The following MARS1 variants were observed in gnomAD, a reference collection of about 807,000 sequenced individuals.
MARS1 encodes the protein methionine--tRNA ligase, cytoplasmic.
Under a neutral mutation model 119.5 loss-of-function variants are expected in MARS1, and 80 were observed. That is an observed-to-expected ratio of 0.67 (90% confidence interval 0.56 to 0.81). The LOEUF (loss-of-function observed/expected upper bound fraction) is 0.81, where lower values mean the gene tolerates loss of function less well. Among genes scored for constraint, MARS1 ranks in the 30% least tolerant of loss-of-function variants. The pLI is 0.00. For synonymous variants in MARS1, 418 were observed against 433.4 expected (o/e 0.96, Z 0.44); for missense variants, 945 against 1,116.5 (o/e 0.85, Z 2.19).
At chr12:57,506,212 T>C (rs1396856559) in intron 11 of MARS1, among the ~76,000 whole-genome samples, 2 of 152,170 alleles carry the variant, frequency 1.3e-5, no homozygotes, top group African/African-American at 4.8e-5. Context: ...TGAGCCATGA[T>C]TGAACCATTG....
intron 10 of MARS1, 100 bp downstream of exon 10, chr12:57,500,622 A>G: frequency 8.7e-7 from 1 of 1,155,684 alleles, no homozygotes; most frequent in Non-Finnish European, 1.2e-6. Flanking sequence ...AGCATTCTAG[A>G]CCTTTAACCA....
At position 57,495,244 on chromosome 12, in the gene MARS1, C is replaced by T. The variant is rs552284480; in HGVS notation, c.771-2913C>T. 3.0e-3 allele frequency among the ~76,000 whole-genome samples: 447 copies of T among 149,354 alleles called. 4 individuals are homozygous for T. The highest frequency in any genetic ancestry group is 0.01 in the African/African-American group (413 of 40,562). Reference sequence around the variant, plus strand: ...CCCCCCACCTTCCTCCCGGACGGGGCGGCTGGCGGGGCGGGGGCTGCCCCC... The same window carrying T: ...CCCCCCACCTTCCTCCCGGACGGGGTGGCTGGCGGGGCGGGGGCTGCCCCC... On this transcript the variant is annotated intron_variant, in intron 7 of 20. Transcript: ENST00000262027.
intron 7 of MARS1, 116 bp downstream of exon 7, chr12:57,490,760 T>A: frequency 1.7e-6 from 1 of 594,024 alleles, no homozygotes; most frequent in Non-Finnish European, 2.9e-6. Context: ...TTTCATCCTC[T>A]CCTTTTAATT....
At chr12:57,508,442 G>A (rs1443051634) in intron 11 of MARS1, among the ~76,000 whole-genome samples, 1 of 152,254 alleles carries the variant, frequency 6.6e-6, no homozygotes, top group Non-Finnish European at 1.5e-5. Context: ...GCGGATCACT[G>A]GCGGTTAGGA....
chr12:57,511,863 G>A lies in MARS1; in HGVS notation c.1534G>A (p.Asp512Asn). Residue 512 changes from aspartate (D) to asparagine (N), a missense_variant, in exon 12 of 21, where the codon GAC becomes AAC. Coordinates refer to ENST00000262027, the MANE Select transcript of MARS1 (RefSeq NM_004990.4). ...CCCTGTACCCTTAGAAGGTTTTGAA[G>A]ACAAGGTAAAAACCCTTTTTTATTC... The part of the protein sequence containing the change: ...GTPVPLEGFE[D>N]KVFYVWFDAT... 1 of 1,613,940 alleles carries A rather than the reference G, an allele frequency of 6.2e-7. No homozygotes were observed. Among genetic ancestry groups the A allele is most frequent in the Non-Finnish European group, 8.5e-7 (1 of 1,179,880 alleles).
At chr12:57,495,630 T>G (rs1484706370) in intron 7 of MARS1, among the ~76,000 whole-genome samples, 1 of 152,178 alleles carries the variant, frequency 6.6e-6, no homozygotes, top group East Asian at 1.9e-4. Flanking sequence ...ATCTTGGCAC[T>G]TTGGGAGGCC....
chr12:57,509,613 T>TC (rs1877411888), intron 11 of MARS1, among the ~76,000 whole-genome samples: 1 of 152,198 alleles, frequency 6.6e-6, no homozygotes. Context: ...TTTCACCATG[T>TC]TGGCCAGGCT....
intron 7 of MARS1, among the ~76,000 whole-genome samples, chr12:57,496,879 A>G (rs762588632): frequency 2.6e-5 from 4 of 152,088 alleles, no homozygotes; most frequent in East Asian, 1.9e-4. Context: ...TGAAGATCCT[A>G]TGGGCAGACT....
chr12:57,512,231 C>T lies in MARS1; in HGVS notation c.1636-5C>T. 6.2e-7 allele frequency: 1 copy of T among 1,612,644 alleles called. No homozygotes were observed. The highest frequency in any genetic ancestry group is 1.1e-5 in the South Asian group (1 of 91,060). On this transcript the variant is annotated splice_polypyrimidine_tract_variant and splice_region_variant and intron_variant, in intron 13 of 20. Transcript: ENST00000262027. ...AGGAAATCTCTCCTAACCACATTCC[C>T]CTAGGTGGACCTGTATCAGTTCATG...
intron 11 of MARS1, among the ~76,000 whole-genome samples, chr12:57,508,415 T>G (rs949680215): frequency 6.6e-6 from 1 of 152,182 alleles, no homozygotes; most frequent in African/African-American, 2.4e-5. Flanking sequence ...TCCCGGCACC[T>G]CGGGAGGCCG....
chr12:57,492,406 C>T (rs1020058816), intron 7 of MARS1, among the ~76,000 whole-genome samples: 23 of 151,898 alleles, frequency 1.5e-4, no homozygotes, highest in Non-Finnish European at 2.9e-4. Context: ...TGCGGTGGCT[C>T]ATGCCTGTAA....
rs912022739 is a variant in MARS1 at position 57,514,946 on chromosome 12, C to T, written c.2100-8C>T. On this transcript the variant is annotated splice_region_variant and splice_polypyrimidine_tract_variant and intron_variant, in intron 16 of 20. Coordinates refer to ENST00000262027, the MANE Select transcript of MARS1 (RefSeq NM_004990.4). ...CATTACACCTTGGCCTGCTTCCTCC[C>T]TTCCCAGGATCCGGGATGCCTTGCG... The T allele has an allele frequency of 3.1e-6, 5 of 1,614,076 alleles. No homozygotes were observed. The Admixed American group carries it at 6.7e-5, about 22-fold the overall frequency.
At position 57,516,275 on chromosome 12, in the gene MARS1, G is replaced by A; in HGVS notation, c.2494G>A (p.Glu832Lys). Residue 832 changes from glutamate to lysine, a missense_variant, in exon 20 of 21, where the codon GAG (glutamate) becomes AAG (lysine). Coordinates refer to ENST00000262027, the MANE Select transcript of MARS1 (RefSeq NM_004990.4). The part of the protein sequence containing the change: ...AKTSPKPAVV[E>K]TVTTAKPQQI... ...AACGTCCCCGAAGCCAGCAGTTGTA[G>A]AGACTGTTACAACAGCCAAGCCACA... The A allele has an allele frequency of 6.2e-7, 1 of 1,614,174 alleles. No homozygotes were observed. Among genetic ancestry groups the A allele is most frequent in the Middle Eastern group, 1.6e-4 (1 of 6,062 alleles).
intron 7 of MARS1, 56 bp downstream of exon 7, chr12:57,490,700 T>C (rs939181750): frequency 2.0e-5 from 30 of 1,508,702 alleles, no homozygotes; most frequent in Non-Finnish European, 2.8e-5. Context: ...AAATTGTTGA[T>C]AGAGCCAGAA....
chr12:57,508,272 A>C (rs530379071), intron 11 of MARS1, among the ~76,000 whole-genome samples: 2 of 152,190 alleles, frequency 1.3e-5, no homozygotes, highest in Non-Finnish European at 2.9e-5. Flanking sequence ...GGCACGGCAG[A>C]GGCTGCAATC....
At chr12:57,495,485 C>T (rs908325881) in intron 7 of MARS1, among the ~76,000 whole-genome samples, 4 of 151,674 alleles carry the variant, frequency 2.6e-5, no homozygotes, top group Non-Finnish European at 1.5e-5. Context: ...GACAGGTTGA[C>T]GGCGGGGAAG....
chr12:57,499,586 G>C (rs1460488216), intron 9 of MARS1, among the ~76,000 whole-genome samples: 1 of 140,508 alleles, frequency 7.1e-6, no homozygotes, highest in Non-Finnish European at 1.5e-5. Context: ...ACTTGGTGAC[G>C]GAGTGAGACT....
chr12:57,488,294 G>C, intron 1 of MARS1, 95 bp downstream of exon 1: 1 of 1,158,058 alleles, frequency 8.6e-7, no homozygotes, highest in South Asian at 1.3e-5. Flanking sequence ...CCTAGCCCTC[G>C]CCACACACCC....
At chr12:57,502,233 T>C (rs190512992) in intron 10 of MARS1, among the ~76,000 whole-genome samples, 1 of 152,122 alleles carries the variant, frequency 6.6e-6, no homozygotes, top group East Asian at 1.9e-4. Flanking sequence ...TCTGTGAACG[T>C]GAGTGAGGAG....
Sources: allele counts gnomAD v4.1 joint callset (sites outside exome capture counted in the v4.1 genomes callset), GRCh38; gene constraint gnomAD v4.1.1; transcripts MANE v1.5; gene names NCBI Gene and HGNC (gene_info 2026-07-23, HGNC 2026-07-21).